The following RASSF8 variants were observed in gnomAD, a reference collection of about 807,000 sequenced individuals.
The protein encoded by RASSF8 is Ras association domain family member 8.
A neutral mutation model predicts 48.5 loss-of-function variants in RASSF8; 22 were observed. The observed-to-expected ratio is 0.45, with a 90% CI of 0.32 to 0.65. RASSF8 has a LOEUF of 0.65. Among genes scored for constraint, RASSF8 ranks in the 30% least tolerant of loss-of-function variants. The pLI is 0.03. For missense variants in RASSF8, 418 were observed against 489.2 expected (o/e 0.85, Z 1.37); for synonymous variants, 127 against 171.5 (o/e 0.74, Z 2.03).
At chr12:25,959,585 T>G (rs1276833221) in intron 1 of RASSF8, 1 of 152,262 alleles carries the variant, frequency 6.6e-6, no homozygotes, top group Non-Finnish European at 1.5e-5. Flanking sequence ...TTATAGGTTT[T>G]TAAATTTCAT....
At chr12:26,008,283 T>G (rs918938616) in intron 2 of RASSF8, among the ~76,000 whole-genome samples, 2 of 152,020 alleles carry the variant, frequency 1.3e-5, no homozygotes, top group Non-Finnish European at 2.9e-5. Flanking sequence ...AAAAAAAAAT[T>G]ATCACTTAAA....
At chr12:26,015,030 A>ACCACC (rs1555164629) in intron 2 of RASSF8, among the ~76,000 whole-genome samples, 1 of 149,288 alleles carries the variant, frequency 6.7e-6, no homozygotes. Flanking sequence ...ACATAGTGAG[A>ACCACC]CCCCGTCTGT....
chr12:26,015,790 G>A lies in RASSF8; in HGVS notation c.-109+20660G>A, dbSNP rs988620030. ...CGAAATTAAAGAAAATAACTCATTAGCAATGTTTTTTTTCAGGTTTGCTTT... is the reference window on the plus strand; with the variant it reads ...CGAAATTAAAGAAAATAACTCATTAACAATGTTTTTTTTCAGGTTTGCTTT... On this transcript the variant is annotated intron_variant, in intron 2 of 5. Transcript: ENST00000689635. 5.5e-4 allele frequency among the ~76,000 whole-genome samples: 83 copies of A among 152,282 alleles called. 1 individual carries two copies. The highest frequency in any genetic ancestry group is 2.1e-4 in the South Asian group (1 of 4,828).
At chr12:26,014,370 G>T (rs910494457) in intron 2 of RASSF8, among the ~76,000 whole-genome samples, 4 of 152,164 alleles carry the variant, frequency 2.6e-5, no homozygotes, top group Admixed American at 2.0e-4. Context: ...TAAAACGTAT[G>T]TGCTATCCTT....
In RASSF8 at chr12:26,058,538, G is replaced by GCGCACGCACA. The variant is rs377669426; in HGVS notation, c.103+3093_103+3094insGCACGCACAC. Among the ~76,000 whole-genome samples, 916 of 149,100 alleles carry GCGCACGCACA rather than the reference G, an allele frequency of 6.1e-3. 3 individuals carry two copies. Among genetic ancestry groups the GCGCACGCACA allele is most frequent in the Middle Eastern group, 0.025 (7 of 284 alleles). The stretch of plus-strand genomic sequence containing the variant: ...ACTACACACATGCGCACGCGCGCGC[G>GCGCACGCACA]CACACACACACACACACACACACAG... On this transcript the variant is annotated intron_variant, in intron 3 of 5. Coordinates refer to ENST00000689635, the MANE Select transcript of RASSF8 (RefSeq NM_001394098.1).
intron 2 of RASSF8, among the ~76,000 whole-genome samples, chr12:26,002,192 G>A (rs1030019129): frequency 6.6e-6 from 1 of 152,224 alleles, no homozygotes; most frequent in Non-Finnish European, 1.5e-5. Flanking sequence ...CAGCACTTTG[G>A]GAGGCCAAGG....
chr12:26,041,133 C>G (rs956783053), intron 2 of RASSF8, among the ~76,000 whole-genome samples: 10 of 151,900 alleles, frequency 6.6e-5, no homozygotes, highest in Non-Finnish European at 1.3e-4. Flanking sequence ...ACCTCATGAT[C>G]CTCCCACCTC....
chr12:26,038,711 T>C (rs1943204058), intron 2 of RASSF8, among the ~76,000 whole-genome samples: 2 of 151,822 alleles, frequency 1.3e-5, no homozygotes, highest in African/African-American at 2.4e-5. Context: ...TAAGTAGTGC[T>C]CAGTGAAGCC....
At chr12:26,048,912 C>A (rs1035879162) in intron 2 of RASSF8, among the ~76,000 whole-genome samples, 10 of 152,090 alleles carry the variant, frequency 6.6e-5, no homozygotes, top group African/African-American at 2.2e-4. Flanking sequence ...CACCACCATA[C>A]CCAGCTAATT....
At chr12:26,040,891 G>C (rs1014589021) in intron 2 of RASSF8, among the ~76,000 whole-genome samples, 1 of 141,882 alleles carries the variant, frequency 7.0e-6, no homozygotes, top group Admixed American at 7.0e-5. Flanking sequence ...ATTATACATA[G>C]TTTTTTTTTT....
At position 26,038,608 on chromosome 12, in the gene RASSF8, A is replaced by AACACACACACACACAC. The variant is rs57536643; in HGVS notation, c.-108-16595_-108-16580dup. Among the ~76,000 whole-genome samples, 605 of 144,940 alleles carry AACACACACACACACAC rather than the reference A, an allele frequency of 4.2e-3. 3 individuals carry two copies. Among genetic ancestry groups the AACACACACACACACAC allele is most frequent in the Admixed American group, 7.2e-3 (103 of 14,310 alleles). On this transcript the variant is annotated intron_variant, in intron 2 of 5. Coordinates refer to ENST00000689635, the MANE Select transcript of RASSF8 (RefSeq NM_001394098.1). ...TTGTTTTTTAAAATGTTCTTATTAA[A>AACACACACACACACAC]ACACACACACACACACACACACACA...
At chr12:25,986,662 GT>G (rs1052063918) in intron 1 of RASSF8, among the ~76,000 whole-genome samples, 1 of 152,140 alleles carries the variant, frequency 6.6e-6, no homozygotes, top group Non-Finnish European at 1.5e-5. Flanking sequence ...TCTAAATTGT[GT>G]AGGGACTAGA....
chr12:26,028,210 C>A (rs1942957200), intron 2 of RASSF8, among the ~76,000 whole-genome samples: 1 of 152,096 alleles, frequency 6.6e-6, no homozygotes, highest in African/African-American at 2.4e-5. Context: ...TTTCCCTGTA[C>A]TCTTTGGAAG....
intron 1 of RASSF8, among the ~76,000 whole-genome samples, chr12:25,988,205 T>A (rs548473331): frequency 6.6e-6 from 1 of 152,278 alleles, no homozygotes; most frequent in African/African-American, 2.4e-5. Flanking sequence ...TCCTAGCATT[T>A]GAGCTTGCTT....
intron 1 of RASSF8, among the ~76,000 whole-genome samples, chr12:25,990,800 C>T (rs1592240095): frequency 6.6e-6 from 1 of 152,164 alleles, no homozygotes; most frequent in Admixed American, 6.5e-5. Flanking sequence ...TTTGTGGATA[C>T]ACAGGGATAT....
intron 1 of RASSF8, among the ~76,000 whole-genome samples, chr12:25,980,623 A>G (rs559764848): frequency 2.0e-5 from 3 of 152,330 alleles, no homozygotes; most frequent in East Asian, 3.9e-4. Flanking sequence ...TTGTATCAGT[A>G]TCTTCCCGTT....
chr12:26,015,833 A>G (rs1164363473), intron 2 of RASSF8, among the ~76,000 whole-genome samples: 1 of 137,974 alleles, frequency 7.2e-6, no homozygotes, highest in Non-Finnish European at 1.6e-5. Context: ...CAGTGGTACA[A>G]TTTCTCTTTT....
chr12:26,059,051 CAG>C (rs1565642575), intron 3 of RASSF8, among the ~76,000 whole-genome samples: 6 of 152,176 alleles, frequency 3.9e-5, no homozygotes, highest in Admixed American at 6.5e-5. Context: ...GCATTTTTTT[CAG>C]AGTCTAAACT....
At chr12:26,024,075 T>C (rs1942849851) in intron 2 of RASSF8, among the ~76,000 whole-genome samples, 1 of 152,212 alleles carries the variant, frequency 6.6e-6, no homozygotes, top group African/African-American at 2.4e-5. Context: ...GTAAGGTACA[T>C]AGATATTGTC....
Sources: gnomAD v4.1 joint callset for allele counts (sites outside exome capture counted in the v4.1 genomes callset) on GRCh38, gnomAD v4.1.1 for gene constraint, MANE v1.5 for transcripts, NCBI Gene and HGNC (gene_info 2026-07-23, HGNC 2026-07-21) for gene names.